The following BICD2 variants were observed in gnomAD, a reference collection of about 807,000 sequenced individuals.
The protein encoded by BICD2 is BICD cargo adaptor 2.
A neutral mutation model predicts 72.9 loss-of-function variants in BICD2; 25 were observed. That is an observed-to-expected ratio of 0.34 (90% CI 0.25 to 0.48). The LOEUF is 0.48. BICD2 is among the 20% of genes least tolerant of loss of function. The pLI is 0.99. For missense variants in BICD2, 894 were observed against 1,175.2 expected (o/e 0.76, Z 3.50); for synonymous variants, 501 against 516.1 (o/e 0.97, Z 0.40).
chr9:92,726,730 G>A (rs1853575563), intron 2 of BICD2, among the ~76,000 whole-genome samples: 1 of 152,150 alleles, frequency 6.6e-6, no homozygotes, highest in Non-Finnish European at 1.5e-5. Context: ...GGACCCTCAG[G>A]AGAGACAGGG....
intron 1 of BICD2, among the ~76,000 whole-genome samples, chr9:92,737,273 C>T (rs1449598704): frequency 6.6e-5 from 10 of 152,166 alleles, no homozygotes; most frequent in Non-Finnish European, 1.5e-4. Context: ...CTTACCAGAG[C>T]CTATGTGGCC....
chr9:92,748,108 A>G (rs1031889262), intron 1 of BICD2, among the ~76,000 whole-genome samples: 8 of 152,114 alleles, frequency 5.3e-5, no homozygotes, highest in Admixed American at 2.6e-4. Flanking sequence ...CTTTTGGGAC[A>G]TCTCCTCTTT....
chr9:92,762,594 T>C (rs1358925403), intron 1 of BICD2, among the ~76,000 whole-genome samples: 3 of 152,186 alleles, frequency 2.0e-5, no homozygotes, highest in African/African-American at 7.2e-5. Flanking sequence ...CTCTTCCTGA[T>C]TCTGCTAGGG....
At position 92,719,377 on chromosome 9, in the gene BICD2, T is replaced by C; in HGVS notation, c.1268A>G (p.Asp423Gly). ...CCCGTTGATGTCCACCTCGTAGTAG[T>C]CCCCATCCTCATGGCTGTCACGGTC... is the stretch of plus-strand genomic sequence containing the variant. The part of the protein sequence containing the change: ...EKDRDSHEDG[D>G]YYEVDINGPE... The change falls in exon 5 of 7, where the codon GAC becomes GGC. Residue 423 changes from aspartate to glycine, a missense_variant. Asp to Gly is a moderately conservative substitution (Grantham distance 94). Transcript: ENST00000356884. The C allele has an allele frequency of 6.2e-7, 1 of 1,614,148 alleles. No individual in the cohort carries two copies. Among genetic ancestry groups the C allele is most frequent in the Non-Finnish European group, 8.5e-7 (1 of 1,180,018 alleles).
Position 92,733,015 on chromosome 9 carries a change from T to A in BICD2, c.241-3779A>T, listed in dbSNP as rs557272270. 1.3e-3 allele frequency among the ~76,000 whole-genome samples: 195 copies of A among 152,308 alleles called. 1 individual carries two copies. Among genetic ancestry groups the A allele is most frequent in the Admixed American group, 3.0e-3 (46 of 15,304 alleles). On this transcript the variant is annotated intron_variant, in intron 1 of 6. Transcript: ENST00000356884. Reference sequence around the variant, plus strand: ...GGAAAAGGTGATTTTCAAATTCATATGGAATTGCAAAGGGCCTAGAAGAGC... The same window carrying A: ...GGAAAAGGTGATTTTCAAATTCATAAGGAATTGCAAAGGGCCTAGAAGAGC...
chr9:92,728,967 A>G, intron 2 of BICD2, 57 bp downstream of exon 2: 1 of 1,571,332 alleles, frequency 6.4e-7, no homozygotes, highest in Non-Finnish European at 8.7e-7. Flanking sequence ...CACACCTGCT[A>G]TGTGACACTG....
chr9:92,764,483 A>C lies in BICD2; in HGVS notation c.240+22T>G. On this transcript the variant is annotated intron_variant, in intron 1 of 6. Transcript: ENST00000356884. The surrounding 1 kb of genome is among the most constrained non-coding windows in gnomAD (Gnocchi z 5.5). ...GGCCCCGGCGCCGGGCGGGGGTCGC[A>C]GGGCAGGGCGGCTCGGCTCACCTCC... The C allele has an allele frequency of 6.8e-7, 1 of 1,471,444 alleles. No homozygotes were observed. The allele number at this position is 1,471,444 out of a possible 1,614,324, so 91.1% of individuals were successfully genotyped here.
At chr9:92,756,053 C>T (rs1378974808) in intron 1 of BICD2, among the ~76,000 whole-genome samples, 1 of 152,196 alleles carries the variant, frequency 6.6e-6, no homozygotes, top group Non-Finnish European at 1.5e-5. Context: ...CCTCAGCACC[C>T]TCAATGGTAG....
Position 92,722,642 on chromosome 9 carries a change from G to A in BICD2, c.606+14C>T. ...ACCCACGTGCCACCTCCACCCCACA[G>A]GCCCAAGACTCACCTGGTTCTGTCT... On this transcript the variant is annotated intron_variant, in intron 3 of 6. Transcript: ENST00000356884. 2 of 1,614,016 alleles carry A rather than the reference G, an allele frequency of 1.2e-6. No homozygotes were observed. The highest frequency in any genetic ancestry group is 1.1e-5 in the South Asian group (1 of 91,072).
intron 1 of BICD2, among the ~76,000 whole-genome samples, chr9:92,745,790 C>G (rs1277105092): frequency 6.6e-6 from 1 of 152,198 alleles, no homozygotes; most frequent in Non-Finnish European, 1.5e-5. Context: ...CCAAGAGGGT[C>G]TGAAGAGAAA....
chr9:92,749,816 G>A (rs1285824964), intron 1 of BICD2, among the ~76,000 whole-genome samples: 1 of 152,220 alleles, frequency 6.6e-6, no homozygotes, highest in Non-Finnish European at 1.5e-5. Flanking sequence ...ATGGCAGCTG[G>A]CTGCCCTGAC....
intron 1 of BICD2, among the ~76,000 whole-genome samples, chr9:92,739,727 C>G (rs184609000): frequency 6.6e-6 from 1 of 152,220 alleles, no homozygotes; most frequent in African/African-American, 2.4e-5. Flanking sequence ...ACTTGCCCCC[C>G]CAAAACTGCC....
chr9:92,764,358 A>C lies in BICD2; in HGVS notation c.240+147T>G. ...GCTAGCCAAGGCCGGGCCCACTCCC[A>C]CATACTGCCCGTGCCCCCTCCGCCC... On this transcript the variant is annotated intron_variant, in intron 1 of 6. Transcript: ENST00000356884. The surrounding 1 kb of genome is among the most constrained non-coding windows in gnomAD (Gnocchi z 5.5). 1 of 1,167,754 alleles carries C rather than the reference A, an allele frequency of 8.6e-7. No individual in the cohort carries two copies. Among genetic ancestry groups the C allele is most frequent in the East Asian group, 3.3e-5 (1 of 30,534 alleles). The allele number at this position is 1,167,754 out of a possible 1,614,324, so 72.3% of individuals were successfully genotyped here. A position where few individuals can be genotyped will look rare whatever the true frequency, so the allele number is the denominator to read the frequency against.
Position 92,764,044 on chromosome 9 carries a change from C to G in BICD2, c.240+461G>C, listed in dbSNP as rs1191253753. On this transcript the variant is annotated intron_variant, in intron 1 of 6. Coordinates refer to ENST00000356884, the MANE Select transcript of BICD2 (RefSeq NM_001003800.2). The surrounding 1 kb of genome is among the most constrained non-coding windows in gnomAD (Gnocchi z 5.5). Reference sequence around the variant, plus strand: ...CGCCCAGAGAGGGGAAGTGCTTTCTCTGAAGGTGACAGAGCCGCAGCCACC... The same window carrying G: ...CGCCCAGAGAGGGGAAGTGCTTTCTGTGAAGGTGACAGAGCCGCAGCCACC... Among the ~76,000 whole-genome samples, 1 of 152,208 alleles carries G rather than the reference C, an allele frequency of 6.6e-6. No individual in the cohort carries two copies. The highest frequency in any genetic ancestry group is 1.9e-4 in the East Asian group (1 of 5,200).
At chr9:92,746,049 A>T (rs1854006631) in intron 1 of BICD2, among the ~76,000 whole-genome samples, 1 of 152,242 alleles carries the variant, frequency 6.6e-6, no homozygotes, top group African/African-American at 2.4e-5. Flanking sequence ...AAAGCCAGTC[A>T]TGGTGGTCCC....
intron 1 of BICD2, among the ~76,000 whole-genome samples, chr9:92,755,487 G>A (rs368062063): frequency 6.6e-5 from 10 of 152,100 alleles, no homozygotes; most frequent in African/African-American, 2.2e-4. Context: ...TGGTTTTTGC[G>A]GCTTGTGGGG....
chr9:92,725,950 G>A (rs908216370), intron 2 of BICD2, among the ~76,000 whole-genome samples: 1 of 152,206 alleles, frequency 6.6e-6, no homozygotes, highest in African/African-American at 2.4e-5. Context: ...CCCCATCTGG[G>A]AAATGGAGCC....
At position 92,719,287 on chromosome 9, in the gene BICD2, A is replaced by G; in HGVS notation, c.1358T>C (p.Leu453Pro). 1 of 1,613,832 alleles carries G rather than the reference A, an allele frequency of 6.2e-7. No homozygotes were observed. Among genetic ancestry groups the G allele is most frequent in the Non-Finnish European group, 8.5e-7 (1 of 1,180,036 alleles). The part of the protein sequence containing the change: ...VAEAGELREQ[L>P]KALRSTHEAR... ...CTCGTGCGTGCTGCGCAGTGCCTTG[A>G]GCTGCTCGCGGAGCTCGCCAGCCTC... The change falls in exon 5 of 7, where the codon CTC becomes CCC. Residue 453 changes from leucine (L) to proline (P), a missense_variant. Transcript: ENST00000356884.
At chr9:92,741,822 T>G (rs190519673) in intron 1 of BICD2, among the ~76,000 whole-genome samples, 1 of 152,330 alleles carries the variant, frequency 6.6e-6, no homozygotes, top group Admixed American at 6.5e-5. Flanking sequence ...TTCCTATTTT[T>G]TGCAGGTGAT....
Sources: gnomAD v4.1 joint callset for allele counts (sites outside exome capture counted in the v4.1 genomes callset) on GRCh38, gnomAD v4.1.1 for gene constraint, Gnocchi (gnomAD v3.1) non-coding constraint, MANE v1.5 for transcripts, NCBI Gene and HGNC (gene_info 2026-07-23, HGNC 2026-07-21) for gene names.